Variants in IFT43 observed in about 807,000 individuals in gnomAD.
IFT43 encodes the protein intraflagellar transport protein 43 homolog.
Under a neutral mutation model 32.3 loss-of-function variants are expected in IFT43, and 33 were observed. That is an observed-to-expected ratio of 1.02 (90% CI 0.77 to 1.37). The LOEUF (loss-of-function observed/expected upper bound fraction) is 1.37, where lower values mean the gene tolerates loss of function less well. Ranked by LOEUF, IFT43 falls within the 40% of genes most tolerant of loss-of-function variation. The probability of loss-of-function intolerance (pLI) is 0.00; values close to 1 mark genes in which losing one functional copy is unlikely to be tolerated. For synonymous variants in IFT43, 93 were observed against 98.2 expected, an observed-to-expected ratio of 0.95 and a Z score of 0.31; for missense variants, 274 against 265.9, an observed-to-expected ratio of 1.03 and a Z score of -0.21.
chr14:76,040,782 C>T (rs1302373972), intron 3 of IFT43, among the ~76,000 whole-genome samples: 2 of 152,206 alleles, frequency 1.3e-5, no homozygotes, highest in East Asian at 1.9e-4. Flanking sequence ...CGGAGCAGTC[C>T]TCCTGACAAG....
At chr14:76,075,137 C>T (rs905286608) in intron 5 of IFT43, among the ~76,000 whole-genome samples, 5 of 152,218 alleles carry the variant, frequency 3.3e-5, no homozygotes, top group East Asian at 1.9e-4. Flanking sequence ...CCATATGCCC[C>T]GCTGTGTCTG....
intron 2 of IFT43, among the ~76,000 whole-genome samples, chr14:75,995,511 TG>T (rs1442482413): frequency 1.3e-5 from 2 of 152,200 alleles, no homozygotes; most frequent in African/African-American, 4.8e-5. Context: ...TGAGAAATGC[TG>T]CTGGGCTCAT....
intron 3 of IFT43, among the ~76,000 whole-genome samples, chr14:76,044,693 A>G (rs958821030): frequency 1.4e-4 from 21 of 152,144 alleles, no homozygotes; most frequent in South Asian, 2.1e-4. Flanking sequence ...ATTCATTAGC[A>G]TACAAAAAGA....
chr14:76,011,197 A>G (rs1332170649), intron 2 of IFT43, among the ~76,000 whole-genome samples: 1 of 152,170 alleles, frequency 6.6e-6, no homozygotes, highest in Non-Finnish European at 1.5e-5. Flanking sequence ...GGCATGAGCC[A>G]CTGCACCTGG....
intron 3 of IFT43, among the ~76,000 whole-genome samples, chr14:76,026,481 C>T (rs1398208209): frequency 6.7e-6 from 1 of 148,922 alleles, no homozygotes; most frequent in Non-Finnish European, 1.5e-5. Context: ...TTGCTTGAAC[C>T]TGGGAGGCAG....
rs188466947 is a variant in IFT43, at chr14:76,053,993, C to G, written c.216-4649C>G. On this transcript the variant is annotated intron_variant, in intron 3 of 8. Coordinates refer to ENST00000314067, the MANE Select transcript of IFT43 (RefSeq NM_001102564.3). Reference sequence around the variant, plus strand: ...CCTCCTCTCATCCTTTAGGTCAAGTCCATGTTCATTAATGCTTCCGTTAGA... The same window carrying G: ...CCTCCTCTCATCCTTTAGGTCAAGTGCATGTTCATTAATGCTTCCGTTAGA... Among the ~76,000 whole-genome samples the G allele has an allele frequency of 4.6e-5, 7 of 152,318 alleles. 1 individual carries two copies. The highest frequency in any genetic ancestry group is 4.6e-4 in the Admixed American group (7 of 15,302).
chr14:75,994,461 T>A (rs1042710267), intron 2 of IFT43, among the ~76,000 whole-genome samples: 9 of 152,350 alleles, frequency 5.9e-5, no homozygotes, highest in Admixed American at 3.3e-4. Flanking sequence ...GTGATTTTAC[T>A]AGTTTGGAGT....
intron 3 of IFT43, among the ~76,000 whole-genome samples, chr14:76,050,550 G>A (rs1008190219): frequency 3.9e-5 from 6 of 152,216 alleles, no homozygotes; most frequent in African/African-American, 1.4e-4. Context: ...TTAAACTCGT[G>A]GGCTGAAGTG....
chr14:76,011,353 G>C (rs2036081882), intron 2 of IFT43, among the ~76,000 whole-genome samples: 1 of 152,154 alleles, frequency 6.6e-6, no homozygotes, highest in South Asian at 2.1e-4. Context: ...TTGTAAACTG[G>C]AAATCAAATT....
At chr14:76,080,367 T>G (rs1486629086) in intron 5 of IFT43, among the ~76,000 whole-genome samples, 1 of 151,972 alleles carries the variant, frequency 6.6e-6, no homozygotes, top group East Asian at 1.9e-4. Flanking sequence ...TTGTGCACAT[T>G]TGGAGGAGGG....
intron 3 of IFT43, among the ~76,000 whole-genome samples, chr14:76,023,286 C>T (rs2139960049): frequency 6.6e-6 from 1 of 152,286 alleles, no homozygotes; most frequent in South Asian, 2.1e-4. Context: ...TTAGCCCTCC[C>T]AGCCTTTCCA....
At chr14:76,059,068 T>C (rs746536557) in intron 4 of IFT43, 311 of 1,428,436 alleles carry the variant, frequency 2.2e-4, no homozygotes, top group Non-Finnish European at 5.7e-5. Context: ...GCCACCCAGT[T>C]TCCTACTCCC....
chr14:76,053,583 G>T (rs182289220), intron 3 of IFT43, among the ~76,000 whole-genome samples: 8 of 152,174 alleles, frequency 5.3e-5, no homozygotes, highest in Admixed American at 5.2e-4. Context: ...CCATCAGCCC[G>T]CCGTGATGTG....
chr14:76,059,298 GCTGTC>G, intron 4 of IFT43, 24 bp from the exon 5 acceptor site: 1 of 1,613,808 alleles, frequency 6.2e-7, no homozygotes, highest in Non-Finnish European at 8.5e-7. Flanking sequence ...CTCATTTTTT[GCTGTC>G]CTTTTCTTCT....
rs150413133 is a variant in IFT43 at position 76,025,924 on chromosome 14, G to A, written c.215+3530G>A. On this transcript the variant is annotated intron_variant, in intron 3 of 8. Coordinates refer to ENST00000314067, the MANE Select transcript of IFT43 (RefSeq NM_001102564.3). ...CATGATGAAGACACCAAAAGCAATC[G>A]TAACAAAAGCAAAAATTGACAAATG... Among the ~76,000 whole-genome samples, 932 of 152,196 alleles carry A rather than the reference G, an allele frequency of 6.1e-3. 12 individuals carry two copies. The highest frequency in any genetic ancestry group is 0.021 in the African/African-American group (879 of 41,542).
At chr14:75,992,255 T>G (rs909250081) in intron 2 of IFT43, among the ~76,000 whole-genome samples, 1 of 152,222 alleles carries the variant, frequency 6.6e-6, no homozygotes, top group African/African-American at 2.4e-5. Context: ...TCTCTAATTC[T>G]CCATTTCATT....
At chr14:76,012,927 C>A (rs1322219162) in intron 2 of IFT43, among the ~76,000 whole-genome samples, 1 of 152,192 alleles carries the variant, frequency 6.6e-6, no homozygotes, top group East Asian at 1.9e-4. Context: ...CAGGCCTCCT[C>A]TTCTTTCTGG....
chr14:76,049,660 C>T (rs2036875336), intron 3 of IFT43, among the ~76,000 whole-genome samples: 1 of 152,172 alleles, frequency 6.6e-6, no homozygotes, highest in Admixed American at 6.5e-5. Context: ...AACACTCATA[C>T]AGCGGTTCTT....
At chr14:75,988,506 A>G (rs938602789) in intron 1 of IFT43, among the ~76,000 whole-genome samples, 1 of 104,540 alleles carries the variant, frequency 9.6e-6, no homozygotes, top group Admixed American at 1.0e-4. Context: ...TTACCTTCCC[A>G]GGCTTGTCAT....
Sources: allele counts gnomAD v4.1 joint callset (sites outside exome capture counted in the v4.1 genomes callset), GRCh38; gene constraint gnomAD v4.1.1; transcripts MANE v1.5; gene names NCBI Gene and HGNC (gene_info 2026-07-23, HGNC 2026-07-21).